ERCC6: variants seen among roughly 807,000 people sequenced by gnomAD.
ERCC6 encodes the protein ERCC excision repair 6, chromatin remodeling factor.
ERCC6 carries 116 observed loss-of-function variants against 158.7 expected under a neutral mutation model. That is an observed-to-expected ratio of 0.73 (90% CI 0.63 to 0.85). ERCC6 has a LOEUF of 0.85. Ranked by LOEUF, ERCC6 falls within the 40% of genes least tolerant of loss-of-function variation. The pLI, the probability that ERCC6 is intolerant of heterozygous loss-of-function variation, is 0.00. For missense variants in ERCC6, 1,698 were observed against 1,799.4 expected, an observed-to-expected ratio of 0.94 and a Z score of 1.02; for synonymous variants, 678 against 659.3, an observed-to-expected ratio of 1.03 and a Z score of -0.43.
chr10:49,519,238 A>G (rs1451701101), intron 5 of ERCC6, among the ~76,000 whole-genome samples: 1 of 152,244 alleles, frequency 6.6e-6, no homozygotes, highest in African/African-American at 2.4e-5. Flanking sequence ...AAGGGAAGGA[A>G]ACATGTATGT....
In ERCC6 at chr10:49,500,976, T is replaced by C. The variant is rs569390551; in HGVS notation, c.1527-280A>G. ...GAGACTATTTCCTTTCTTTTCAACA[T>C]TAGAAATAGCTTGCTAAACAAGCAT... On this transcript the variant is annotated intron_variant, in intron 6 of 20. Transcript: ENST00000355832. 1.6e-5 allele frequency: 6 copies of C among 378,070 alleles called. No individual in the cohort carries two copies. In the East Asian group the frequency reaches 2.7e-4, roughly 17 times the overall value. 23.4% of individuals were successfully genotyped at this position (378,070 alleles called of 1,614,324 possible).
At position 49,472,255 on chromosome 10, in the gene ERCC6, C is replaced by A. The variant is rs989906845; in HGVS notation, c.2924+121G>T. ...AAAAAATACAAAACAAAAACCAAAGCCTTAAGTTATAGCAACTATTATTCT... is the reference window on the plus strand; with the variant it reads ...AAAAAATACAAAACAAAAACCAAAGACTTAAGTTATAGCAACTATTATTCT... On this transcript the variant is annotated intron_variant, in intron 16 of 20. Coordinates refer to ENST00000355832, the MANE Select transcript of ERCC6 (RefSeq NM_000124.4). The A allele has an allele frequency of 8.8e-5, 80 of 910,644 alleles. No homozygotes were observed. In the African/African-American group the frequency reaches 1.3e-3, roughly 15 times the overall value. The allele number at this position is 910,644 out of a possible 1,614,324, so 56.4% of individuals were successfully genotyped here. A position where few individuals can be genotyped will look rare whatever the true frequency, so the allele number is the denominator to read the frequency against.
rs145177416 is a variant in ERCC6, at chr10:49,519,101, T to G, written c.1397+4932A>C. 8.8e-4 allele frequency among the ~76,000 whole-genome samples: 134 copies of G among 152,274 alleles called. 1 individual carries two copies. The East Asian group carries it at 0.024, about 27-fold the overall frequency. On this transcript the variant is annotated intron_variant, in intron 5 of 20. Transcript: ENST00000355832. ...CATCTCCCTATATCCTCATCCAAAT[T>G]CCCAGATTACAGGCTTAGGTTTTTG...
At chr10:49,535,538 T>C (rs951985887) in intron 1 of ERCC6, among the ~76,000 whole-genome samples, 5 of 152,162 alleles carry the variant, frequency 3.3e-5, no homozygotes, top group Admixed American at 1.3e-4. Flanking sequence ...CAGCTCAGAG[T>C]GTCTGTACTA....
At chr10:49,473,759 T>C (rs1471994491) in intron 13 of ERCC6, among the ~76,000 whole-genome samples, 172 bp from the exon 14 acceptor site, 1 of 152,246 alleles carries the variant, frequency 6.6e-6, no homozygotes, top group Non-Finnish European at 1.5e-5. Context: ...TATTTCCGTA[T>C]GGTTAATTCT....
intron 5 of ERCC6, among the ~76,000 whole-genome samples, chr10:49,519,045 C>G (rs745883689): frequency 6.6e-6 from 1 of 152,206 alleles, no homozygotes; most frequent in Admixed American, 6.5e-5. Context: ...CCATCCACAC[C>G]ATACTTGCCA....
At chr10:49,510,151 T>C (rs1851509007) in intron 5 of ERCC6, among the ~76,000 whole-genome samples, 1 of 152,106 alleles carries the variant, frequency 6.6e-6, no homozygotes, top group Non-Finnish European at 1.5e-5. Context: ...CAGAAGCAAC[T>C]CAGACCCAGC....
the ERCC6 span, among the ~76,000 whole-genome samples, chr10:49,440,431 A>T: frequency 6.6e-6 from 1 of 152,280 alleles, no homozygotes; most frequent in East Asian, 1.9e-4. Flanking sequence ...TCCCTCCCAC[A>T]ACACATGGAA....
chr10:49,476,864 C>T (rs1169910610), intron 11 of ERCC6, among the ~76,000 whole-genome samples: 1 of 152,186 alleles, frequency 6.6e-6, no homozygotes, highest in Non-Finnish European at 1.5e-5. Flanking sequence ...CCGCCAGTTA[C>T]ATTCCCACGG....
chr10:49,466,659 A>G (rs1205862807), intron 18 of ERCC6, among the ~76,000 whole-genome samples: 1 of 152,114 alleles, frequency 6.6e-6, no homozygotes, highest in Non-Finnish European at 1.5e-5. Flanking sequence ...AACCAATCCA[A>G]TTTCTGTCAT....
In ERCC6 at chr10:49,473,603, G is replaced by T. The variant is rs952351901; in HGVS notation, c.2599-16C>A. 5.4e-6 allele frequency: 8 copies of T among 1,469,860 alleles called. No individual in the cohort carries two copies. Among genetic ancestry groups the T allele is most frequent in the Non-Finnish European group, 6.7e-6 (7 of 1,048,508 alleles). The allele number at this position is 1,469,860 out of a possible 1,614,324, so 91.1% of individuals were successfully genotyped here. A position where few individuals can be genotyped will look rare whatever the true frequency, so the allele number is the denominator to read the frequency against. ...TGTCCAGCATCTGTTTGGAGGTGGG[G>T]GATAGGAGTTTGCAAAGCAAATACA... On this transcript the variant is annotated splice_polypyrimidine_tract_variant and intron_variant, in intron 13 of 20. Transcript: ENST00000355832.
chr10:49,437,399 C>T, the ERCC6 span, among the ~76,000 whole-genome samples: 1 of 152,166 alleles, frequency 6.6e-6, no homozygotes, highest in Non-Finnish European at 1.5e-5. Flanking sequence ...ATATTAAGTA[C>T]AGCAAGATCC....
chr10:49,493,086 A>C (rs1851203303), intron 8 of ERCC6, 31 bp downstream of exon 8: 1 of 1,612,518 alleles, frequency 6.2e-7, no homozygotes, highest in African/African-American at 1.3e-5. Flanking sequence ...GCATTAAAAC[A>C]AAACAAAAAG....
At chr10:49,483,588 A>G (rs2132552793) in intron 8 of ERCC6, 72 bp from the exon 9 acceptor site, 2 of 1,437,148 alleles carry the variant, frequency 1.4e-6, no homozygotes, top group Non-Finnish European at 1.9e-6. Context: ...GACACAATCT[A>G]AAGTACTTTA....
At chr10:49,461,240 G>C in intron 19 of ERCC6, 112 bp downstream of exon 19, 2 of 1,119,290 alleles carry the variant, frequency 1.8e-6, no homozygotes, top group Non-Finnish European at 2.6e-6. Context: ...CCCTCCCTGG[G>C]GATTTATTCC....
chr10:49,483,745 A>G (rs550441482), intron 8 of ERCC6, among the ~76,000 whole-genome samples: 31 of 151,926 alleles, frequency 2.0e-4, no homozygotes, highest in African/African-American at 7.0e-4. Context: ...ACAAAGTTAT[A>G]ATACATATAT....
At chr10:49,514,524 C>T (rs1002067783) in intron 5 of ERCC6, among the ~76,000 whole-genome samples, 4 of 152,178 alleles carry the variant, frequency 2.6e-5, no homozygotes. Flanking sequence ...TCAAAACAGA[C>T]CTTACTGCTC....
At chr10:49,450,350 A>T (rs866218463), downstream of ERCC6, among the ~76,000 whole-genome samples, 3 of 2,050 alleles carry the variant, frequency 1.5e-3, 1 homozygote, top group Middle Eastern at 0.5. Context: ...CCATTTTTTA[A>T]AAAAATACAA....
intron 5 of ERCC6, among the ~76,000 whole-genome samples, 185 bp downstream of exon 5, chr10:49,523,848 G>A (rs1837237459): frequency 2.0e-5 from 3 of 151,806 alleles, no homozygotes. Context: ...TGCATTTGGG[G>A]CCAGCATCAT....
Sources: gnomAD v4.1 joint callset for allele counts (sites outside exome capture counted in the v4.1 genomes callset) on GRCh38, gnomAD v4.1.1 for gene constraint, MANE v1.5 for transcripts, NCBI Gene and HGNC (gene_info 2026-07-23, HGNC 2026-07-21) for gene names.